LHCGR: variants seen among roughly 807,000 people sequenced by gnomAD.
LHCGR encodes the protein luteinizing hormone/choriogonadotropin receptor, also known as lutropin-choriogonadotropic hormone receptor.
Under a neutral mutation model 60.7 loss-of-function variants are expected in LHCGR, and 55 were observed. The observed-to-expected ratio is 0.91, with a 90% CI of 0.73 to 1.13. The LOEUF (loss-of-function observed/expected upper bound fraction) is 1.13, where lower values mean the gene tolerates loss of function less well. Among genes scored for constraint, LHCGR ranks in the 50% most tolerant of loss-of-function variants. LHCGR has a pLI of 0.00. For missense variants in LHCGR, 862 were observed against 836.0 expected (o/e 1.03, Z -0.38); for synonymous variants, 337 against 316.5 (o/e 1.06, Z -0.69).
chr2:48,741,101 A>T (rs1572887581), intron 1 of LHCGR, among the ~76,000 whole-genome samples: 1 of 151,616 alleles, frequency 6.6e-6, no homozygotes, highest in Non-Finnish European at 1.5e-5. Context: ...GCGATGGAAG[A>T]TGAAATGAAT....
chr2:48,700,214 T>C (rs1307811851), intron 8 of LHCGR, among the ~76,000 whole-genome samples: 1 of 152,196 alleles, frequency 6.6e-6, no homozygotes, highest in Non-Finnish European at 1.5e-5. Context: ...GAAGATCTGG[T>C]GGCTTTTTTG....
In LHCGR at chr2:48,688,329, C is replaced by T; in HGVS notation, c.1468G>A (p.Gly490Arg). The change falls in exon 11 of 11, where the codon GGA becomes AGA. Residue 490 changes from glycine (G) to arginine (R), a missense_variant. Physicochemically the swap from Gly to Arg is moderately radical, Grantham distance 125 (BLOSUM62 -2). Coordinates refer to ENST00000294954, the MANE Select transcript of LHCGR (RefSeq NM_000233.4). This position sits in a 1 kb window ranked among gnomAD's most constrained non-coding sequence, Gnocchi z 5.2. ...GCAATTAGAGAAGAAAAGAGCCATC[C>T]TCCAAGCATAATCAGAATGGCATGT... Reference protein sequence around the residue: ...LRHAILIMLGGWLFSSLIAML... With the variant: ...LRHAILIMLGRWLFSSLIAML... The T allele has an allele frequency of 6.2e-7, 1 of 1,614,118 alleles. No homozygotes were observed. The highest frequency in any genetic ancestry group is 8.5e-7 in the Non-Finnish European group (1 of 1,180,026).
rs141473843 is a variant in LHCGR at position 48,729,197 on chromosome 2, C to T, written c.264G>A (p.Arg88=). The change falls in exon 3 of 11, where the codon AGG becomes AGA. Residue 88 remains arginine (R), a synonymous_variant. Transcript: ENST00000294954. ...IEISQIDSLE[R]IEANAFDNLL... ...GGTTGTCAAAGGCATTAGCTTCTAT[C>T]CTTTCCAGGGAATCAATCTGAGAGA... 5.0e-6 allele frequency: 8 copies of T among 1,611,612 alleles called. No homozygotes were observed. The highest frequency in any genetic ancestry group is 6.8e-6 in the Non-Finnish European group (8 of 1,178,736).
Position 48,687,319 on chromosome 2 carries a change from T to C in LHCGR, c.*378A>G, listed in dbSNP as rs913199921. 5 of 184,304 alleles carry C rather than the reference T, an allele frequency of 2.7e-5. No individual in the cohort carries two copies. The highest frequency in any genetic ancestry group is 5.7e-5 in the Non-Finnish European group (5 of 87,362). 11.4% of individuals were successfully genotyped at this position (184,304 alleles called of 1,614,324 possible). A position where few individuals can be genotyped will look rare whatever the true frequency, so the allele number is the denominator to read the frequency against. On this transcript the variant is annotated 3_prime_UTR_variant, in exon 11 of 11. Coordinates refer to ENST00000294954, the MANE Select transcript of LHCGR (RefSeq NM_000233.4). ...CAAACTACCTGAGGAAAAAGGCCAG[T>C]TATTTTAAATTTCTGATCTGTTATG... is the stretch of plus-strand genomic sequence containing the variant.
chr2:48,755,068 C>T (rs944615552), intron 1 of LHCGR, among the ~76,000 whole-genome samples: 4 of 152,124 alleles, frequency 2.6e-5, no homozygotes, highest in Admixed American at 2.6e-4. Context: ...AGGGCCTGAG[C>T]ACTCCATTCC....
intron 1 of LHCGR, among the ~76,000 whole-genome samples, chr2:48,741,047 G>A (rs1669427272): frequency 1.3e-5 from 2 of 152,218 alleles, no homozygotes; most frequent in Admixed American, 6.5e-5. Context: ...GAAGAATGCA[G>A]AAGCCTCAGG....
At position 48,742,681 on chromosome 2, in the gene LHCGR, G is replaced by T. The variant is rs547442265; in HGVS notation, c.162-11383C>A. 1.7e-3 allele frequency among the ~76,000 whole-genome samples: 252 copies of T among 151,994 alleles called. 1 individual carries two copies. Among genetic ancestry groups the T allele is most frequent in the East Asian group, 0.015 (75 of 5,170 alleles). On this transcript the variant is annotated intron_variant, in intron 1 of 10. Coordinates refer to ENST00000294954, the MANE Select transcript of LHCGR (RefSeq NM_000233.4). ...CACAACATACCAGAATCTCTGGGAC[G>T]CATTCAAAGCAGTGTGTAGAGGGAA...
At chr2:48,709,778 A>G (rs927729481) in intron 7 of LHCGR, among the ~76,000 whole-genome samples, 2 of 152,214 alleles carry the variant, frequency 1.3e-5, no homozygotes, top group East Asian at 1.9e-4. Flanking sequence ...GAGCAGCACA[A>G]TCTGGTCCTC....
intron 2 of LHCGR, among the ~76,000 whole-genome samples, chr2:48,729,695 A>G (rs1203196473): frequency 2.6e-5 from 4 of 152,174 alleles, no homozygotes; most frequent in African/African-American, 9.7e-5. Flanking sequence ...GAATTGTTTC[A>G]TAACTCTTAA....
chr2:48,700,921 GA>G (rs1667376255), intron 8 of LHCGR, among the ~76,000 whole-genome samples: 1 of 152,180 alleles, frequency 6.6e-6, no homozygotes, highest in South Asian at 2.1e-4. Flanking sequence ...TGGGAGTTAG[GA>G]AGTAGAGTCA....
At position 48,688,943 on chromosome 2, in the gene LHCGR, G is replaced by T; in HGVS notation, c.948-94C>A. The T allele has an allele frequency of 8.6e-7, 1 of 1,156,408 alleles. No individual in the cohort carries two copies. Among genetic ancestry groups the T allele is most frequent in the South Asian group, 1.3e-5 (1 of 77,756 alleles). The allele number at this position is 1,156,408 out of a possible 1,614,324, so 71.6% of individuals were successfully genotyped here. A position where few individuals can be genotyped will look rare whatever the true frequency, so the allele number is the denominator to read the frequency against. On this transcript the variant is annotated intron_variant, in intron 10 of 10. Coordinates refer to ENST00000294954, the MANE Select transcript of LHCGR (RefSeq NM_000233.4). The surrounding 1 kb of genome is among the most constrained non-coding windows in gnomAD (Gnocchi z 5.2). Reference sequence around the variant, plus strand: ...TTCTTTAAAGGCAAAGAAACAAAAGGAAACAAAGCCATAATAGCCTCAGCC... The same window carrying T: ...TTCTTTAAAGGCAAAGAAACAAAAGTAAACAAAGCCATAATAGCCTCAGCC...
intron 8 of LHCGR, among the ~76,000 whole-genome samples, chr2:48,707,398 G>T (rs916955205): frequency 6.6e-6 from 1 of 151,758 alleles, no homozygotes; most frequent in Non-Finnish European, 1.5e-5. Context: ...GAGGCAGTCT[G>T]TCTGTTATCA....
At chr2:48,731,659 G>A (rs1668995959) in intron 1 of LHCGR, among the ~76,000 whole-genome samples, 1 of 152,026 alleles carries the variant, frequency 6.6e-6, no homozygotes, top group South Asian at 2.1e-4. Flanking sequence ...TACTTCACAG[G>A]GTCATTGTGA....
Position 48,687,786 on chromosome 2 carries a change from T to C in LHCGR, c.2011A>G (p.Asn671Asp), listed in dbSNP as rs746594098. 1 of 1,614,158 alleles carries C rather than the reference T, an allele frequency of 6.2e-7. No individual in the cohort carries two copies. The highest frequency in any genetic ancestry group is 8.5e-7 in the Non-Finnish European group (1 of 1,180,000). The change falls in exon 11 of 11, where the codon AAT (asparagine) becomes GAT (aspartate). Residue 671 changes from asparagine to aspartate, a missense_variant. By Grantham distance (23) the Asn-to-Asp change is conservative. Transcript: ENST00000294954. ...TTCAAGGTGGATTGAGAAGGCTTAT[T>C]TGATCCAGTGAAGCCATTTTTGCAG... ...SNCKNGFTGS[N>D]KPSQSTLKLS...
chr2:48,749,153 G>T (rs947745733), intron 1 of LHCGR, among the ~76,000 whole-genome samples: 1 of 152,204 alleles, frequency 6.6e-6, no homozygotes, highest in Non-Finnish European at 1.5e-5. Context: ...TTTGGCTGAG[G>T]TGGCATTAAG....
chr2:48,748,357 G>C (rs1669803409), intron 1 of LHCGR, among the ~76,000 whole-genome samples: 2 of 152,152 alleles, frequency 1.3e-5, no homozygotes, highest in South Asian at 4.1e-4. Context: ...GGAAAGGGGG[G>C]AGGAAAAGAT....
intron 3 of LHCGR, among the ~76,000 whole-genome samples, chr2:48,728,791 G>C (rs1164872503): frequency 1.3e-5 from 2 of 152,054 alleles, no homozygotes; most frequent in Non-Finnish European, 2.9e-5. Context: ...TGCCAAAACA[G>C]CCCCCAATGA....
chr2:48,701,628 C>T (rs368842676), intron 8 of LHCGR, among the ~76,000 whole-genome samples: 7 of 152,146 alleles, frequency 4.6e-5, no homozygotes, highest in Non-Finnish European at 7.3e-5. Context: ...TTCCCCCCAA[C>T]CAAATGAGTT....
intron 8 of LHCGR, among the ~76,000 whole-genome samples, chr2:48,707,045 AT>A (rs1667718991): frequency 6.6e-6 from 1 of 152,078 alleles, no homozygotes; most frequent in Non-Finnish European, 1.5e-5. Context: ...ACCTTTGGTC[AT>A]TGGTGTTGGT....
Sources: gnomAD v4.1 joint callset for allele counts (sites outside exome capture counted in the v4.1 genomes callset) on GRCh38, gnomAD v4.1.1 for gene constraint, Gnocchi (gnomAD v3.1) non-coding constraint, MANE v1.5 for transcripts, NCBI Gene and HGNC (gene_info 2026-07-23, HGNC 2026-07-21) for gene names.